RALB: variants seen among roughly 807,000 people sequenced by gnomAD.
The protein encoded by RALB is ras-related protein Ral-B.
Under a neutral mutation model 21.3 loss-of-function variants are expected in RALB, and 16 were observed. That is an observed-to-expected ratio of 0.75 (90% CI 0.51 to 1.14). RALB has a LOEUF of 1.14. Among genes scored for constraint, RALB ranks in the 50% most tolerant of loss-of-function variants. RALB has a pLI of 0.00. For missense variants in RALB, 161 were observed against 256.2 expected, an observed-to-expected ratio of 0.63 and a Z score of 2.54; for synonymous variants, 93 against 96.1, an observed-to-expected ratio of 0.97 and a Z score of 0.19.
chr2:120,264,519 G>A (rs928680541), intron 1 of RALB, among the ~76,000 whole-genome samples: 2 of 149,668 alleles, frequency 1.3e-5, no homozygotes, highest in Admixed American at 6.7e-5. Flanking sequence ...CTTCTTAATG[G>A]CAGAATTCAA....
chr2:120,288,102 TTATC>T (rs1690210744), intron 3 of RALB, among the ~76,000 whole-genome samples: 1 of 152,200 alleles, frequency 6.6e-6, no homozygotes, highest in African/African-American at 2.4e-5. Context: ...ATCGATATGT[TTATC>T]AATGAGGTAA....
In RALB at chr2:120,252,882, C is replaced by CGGTGGAGGACG; in HGVS notation, c.-144_-134dup. On this transcript the variant is annotated 5_prime_UTR_variant, in exon 1 of 5. It removes the in-frame stop codon of an upstream open reading frame in the 5' UTR. Coordinates refer to ENST00000272519, the MANE Select transcript of RALB (RefSeq NM_002881.3). ...CGAGCCCGGCAGCTCAATGACAAAT[C>CGGTGGAGGACG]GGTGGAGGACGGCTGGGGTCCGGCC... is the stretch of plus-strand genomic sequence containing the variant. 7.1e-6 allele frequency: 7 copies of CGGTGGAGGACG among 985,482 alleles called. No individual in the cohort carries two copies. Among genetic ancestry groups the CGGTGGAGGACG allele is most frequent in the Non-Finnish European group, 8.4e-6 (7 of 829,996 alleles). The allele number at this position is 985,482 out of a possible 1,614,324, so 61.0% of individuals were successfully genotyped here.
intron 1 of RALB, among the ~76,000 whole-genome samples, chr2:120,276,329 A>G (rs1054136629): frequency 5.3e-4 from 80 of 152,294 alleles, no homozygotes; most frequent in African/African-American, 1.8e-3. Context: ...GGCCAGGTGC[A>G]GTGGCTCACA....
chr2:120,274,357 C>T (rs770164962), intron 1 of RALB, among the ~76,000 whole-genome samples: 17 of 151,130 alleles, frequency 1.1e-4, no homozygotes, highest in Non-Finnish European at 1.8e-4. Flanking sequence ...AAAAAAAGTA[C>T]GTAATTTGCA....
At chr2:120,277,556 G>A (rs1004642686) in intron 1 of RALB, among the ~76,000 whole-genome samples, 51 of 152,076 alleles carry the variant, frequency 3.4e-4, no homozygotes, top group African/African-American at 1.1e-3. Flanking sequence ...GTGTGAAAGC[G>A]TGAGTGCACC....
At chr2:120,241,381 C>A (rs1558941672) in intron 1 of RALB, among the ~76,000 whole-genome samples, 1 of 152,108 alleles carries the variant, frequency 6.6e-6, no homozygotes, top group Non-Finnish European at 1.5e-5. Context: ...GTGTGTGGGT[C>A]CAAAGAGGAA....
chr2:120,272,952 T>C (rs1305049234), intron 1 of RALB, among the ~76,000 whole-genome samples: 3 of 152,340 alleles, frequency 2.0e-5, no homozygotes, highest in Middle Eastern at 3.4e-3. Context: ...CTGGAATGTT[T>C]TTGGTACAAG....
chr2:120,245,938 A>G (rs1688962888), intron 1 of RALB, among the ~76,000 whole-genome samples: 1 of 152,114 alleles, frequency 6.6e-6, no homozygotes, highest in Non-Finnish European at 1.5e-5. Flanking sequence ...TCGCCCTTTG[A>G]TCCCCACCCC....
intron 1 of RALB, among the ~76,000 whole-genome samples, chr2:120,243,417 G>A (rs1248923571): frequency 6.6e-6 from 1 of 152,228 alleles, no homozygotes; most frequent in Non-Finnish European, 1.5e-5. Flanking sequence ...TCAGGAGAAG[G>A]GCACATGCCA....
At chr2:120,258,407 G>A (rs1053467692) in intron 1 of RALB, among the ~76,000 whole-genome samples, 1 of 152,218 alleles carries the variant, frequency 6.6e-6, no homozygotes, top group Admixed American at 6.5e-5. Flanking sequence ...GGGTGGGGGA[G>A]TGTGGAGGAG....
intron 1 of RALB, among the ~76,000 whole-genome samples, chr2:120,243,738 T>A (rs1688927516): frequency 6.6e-6 from 1 of 152,330 alleles, no homozygotes; most frequent in South Asian, 2.1e-4. Flanking sequence ...CCCAGTTAAA[T>A]TTGAATTTCA....
chr2:120,241,494 G>A (rs538728783), intron 1 of RALB, among the ~76,000 whole-genome samples: 1 of 152,350 alleles, frequency 6.6e-6, no homozygotes, highest in South Asian at 2.1e-4. Context: ...GGGTGGCCAA[G>A]GTGGGCGGAT....
chr2:120,248,160 G>A (rs545060991), upstream of RALB, among the ~76,000 whole-genome samples: 2 of 152,334 alleles, frequency 1.3e-5, no homozygotes, highest in East Asian at 3.9e-4. Flanking sequence ...AGGTGAGAAT[G>A]GCTGTTCCCC....
upstream of RALB, among the ~76,000 whole-genome samples, chr2:120,249,611 A>C (rs1358403163): frequency 1.3e-5 from 2 of 151,956 alleles, no homozygotes; most frequent in Non-Finnish European, 2.9e-5. Context: ...GCAAGAACTC[A>C]CTCATTGCCA....
At chr2:120,277,920 AATGTGAGCGT>A (rs1689874116) in intron 1 of RALB, among the ~76,000 whole-genome samples, 1 of 142,086 alleles carries the variant, frequency 7.0e-6, no homozygotes. Context: ...AATGTGAGTT[AATGTGAGCGT>A]GTGTGAGCGA....
chr2:120,262,952 CAGTG>C (rs1447611848), intron 1 of RALB, among the ~76,000 whole-genome samples: 3 of 152,136 alleles, frequency 2.0e-5, no homozygotes, highest in Admixed American at 6.5e-5. Context: ...CAGATATTGT[CAGTG>C]AGTGGGAGTG....
chr2:120,286,142 C>T, intron 3 of RALB, 60 bp downstream of exon 3: 2 of 1,441,094 alleles, frequency 1.4e-6, no homozygotes, highest in Non-Finnish European at 1.9e-6. Flanking sequence ...TCTCATATGT[C>T]TTAGGCCTAT....
chr2:120,290,485 G>A (rs1042157910), intron 4 of RALB, among the ~76,000 whole-genome samples: 1 of 152,188 alleles, frequency 6.6e-6, no homozygotes, highest in African/African-American at 2.4e-5. Flanking sequence ...TGAAAGATAC[G>A]TGGAGCTTCT....
intron 1 of RALB, among the ~76,000 whole-genome samples, chr2:120,277,458 G>C (rs547510640): frequency 1.2e-5 from 1 of 84,128 alleles, no homozygotes; most frequent in African/African-American, 4.1e-5. Context: ...GCATGTGTTA[G>C]AGCATGTATG....
Sources: allele counts gnomAD v4.1 joint callset (sites outside exome capture counted in the v4.1 genomes callset), GRCh38; gene constraint gnomAD v4.1.1; transcripts MANE v1.5; gene names NCBI Gene and HGNC (gene_info 2026-07-23, HGNC 2026-07-21).